TMEM247: variants seen among roughly 807,000 people sequenced by gnomAD.
The protein encoded by TMEM247 is transmembrane protein 247.
A neutral mutation model predicts 20.7 loss-of-function variants in TMEM247; 23 were observed. The observed-to-expected ratio is 1.11, with a 90% confidence interval of 0.80 to 1.57. The LOEUF is 1.57. Ranked by LOEUF, TMEM247 falls within the 40% of genes most tolerant of loss-of-function variation. The pLI, the probability that TMEM247 is intolerant of heterozygous loss-of-function variation, is 0.00. For synonymous variants in TMEM247, 106 were observed against 111.9 expected, an observed-to-expected ratio of 0.95 and a Z score of 0.33; for missense variants, 354 against 283.8, an observed-to-expected ratio of 1.25 and a Z score of -1.78.
At chr2:46,484,191 T>G (rs1572686181) in intron 2 of TMEM247, 53 bp from the exon 3 acceptor site, 1 of 1,488,362 alleles carries the variant, frequency 6.7e-7, no homozygotes, top group Non-Finnish European at 9.0e-7. Flanking sequence ...AACCTAGATC[T>G]GCCTGGCGCC....
chr2:46,480,866 C>G (rs1440515361), intron 2 of TMEM247, 102 bp downstream of exon 2: 2 of 1,390,388 alleles, frequency 1.4e-6, no homozygotes, highest in African/African-American at 2.9e-5. Flanking sequence ...CGCGGCACCC[C>G]ACCCTGCAGA....
At chr2:46,480,802 C>A (rs1237819769) in intron 2 of TMEM247, 38 bp downstream of exon 2, 1 of 1,470,204 alleles carries the variant, frequency 6.8e-7, no homozygotes, top group Non-Finnish European at 9.0e-7. Context: ...AGGAGGGAGG[C>A]CTGGAGCTGA....
intron 1 of TMEM247, among the ~76,000 whole-genome samples, chr2:46,479,916 T>C (rs1434498151): frequency 6.6e-6 from 1 of 152,182 alleles, no homozygotes; most frequent in African/African-American, 2.4e-5. Flanking sequence ...CTCCTCTATC[T>C]ACCTCCCCAC....
At chr2:46,480,494 A>G (rs1686858547) in exon 2 of TMEM247, 3 of 1,551,662 alleles carry the variant, frequency 1.9e-6, no homozygotes. Context: ...GGCCGCTTAA[A>G]TCGCTGTCCC....
intron 2 of TMEM247, among the ~76,000 whole-genome samples, chr2:46,482,642 T>C (rs1023556272): frequency 1.3e-5 from 2 of 152,206 alleles, no homozygotes; most frequent in Non-Finnish European, 2.9e-5. Context: ...TAATGATCAC[T>C]CATCAGCATT....
intron 2 of TMEM247, 45 bp downstream of exon 2, chr2:46,480,809 C>T (rs1041612352): frequency 2.6e-6 from 4 of 1,510,220 alleles, no homozygotes; most frequent in Non-Finnish European, 3.5e-6. Flanking sequence ...AGGCCTGGAG[C>T]TGAAGTCCCA....
intron 2 of TMEM247, 123 bp downstream of exon 2, chr2:46,480,887 C>T (rs1053923884): frequency 9.8e-6 from 13 of 1,320,094 alleles, no homozygotes; most frequent in Admixed American, 8.4e-5. Context: ...TCCTGGATCT[C>T]GGCTGAAAGG....
intron 2 of TMEM247, 60 bp downstream of exon 2, chr2:46,480,824 G>T (rs1265942353): frequency 6.7e-7 from 1 of 1,481,614 alleles, no homozygotes; most frequent in East Asian, 2.5e-5. Flanking sequence ...GTCCCATGGG[G>T]CCTGGAGCAG....
At chr2:46,480,619 T>C in exon 2 of TMEM247, 2 of 1,430,860 alleles carry the variant, frequency 1.4e-6, no homozygotes, top group Non-Finnish European at 1.9e-6. Context: ...AAGGTGCGCA[T>C]GGAGTTCGAG....
In TMEM247 at chr2:46,484,238, C is replaced by G; in HGVS notation, c.478-6C>G. Reference sequence around the variant, plus strand: ...CATCATCTCCACTGTCTTCTCTCCCCCACAGTTTTCAGGAGGCCTCCAGAA... The same window carrying G: ...CATCATCTCCACTGTCTTCTCTCCCGCACAGTTTTCAGGAGGCCTCCAGAA... On this transcript the variant is annotated splice_polypyrimidine_tract_variant and splice_region_variant and intron_variant, in intron 2 of 2. Transcript: ENST00000434431. The G allele has an allele frequency of 6.5e-7, 1 of 1,547,920 alleles. No homozygotes were observed. The highest frequency in any genetic ancestry group is 8.7e-7 in the Non-Finnish European group (1 of 1,144,958).
chr2:46,480,740 G>A (rs758072503), exon 2 of TMEM247: 7 of 1,550,136 alleles, frequency 4.5e-6, no homozygotes, highest in Non-Finnish European at 6.1e-6. Context: ...TGGAGCAGCT[G>A]CAGCAAGAGG....
intron 1 of TMEM247, among the ~76,000 whole-genome samples, chr2:46,480,003 G>A (rs1686847037): frequency 1.3e-5 from 2 of 152,066 alleles, no homozygotes; most frequent in East Asian, 3.9e-4. Flanking sequence ...AAATATTTAG[G>A]TTCTCTCAAT....
At chr2:46,480,250 C>T (rs551423873) in intron 1 of TMEM247, among the ~76,000 whole-genome samples, 155 bp from the exon 2 acceptor site, 31 of 152,280 alleles carry the variant, frequency 2.0e-4, no homozygotes, top group Non-Finnish European at 2.8e-4. Flanking sequence ...TGACAACTCC[C>T]GGTAAGAGCA....
At chr2:46,480,636 C>A in exon 2 of TMEM247, 1 of 1,551,756 alleles carries the variant, frequency 6.4e-7, no homozygotes, top group African/African-American at 1.4e-5. Flanking sequence ...CGAGCTCACG[C>A]GGCTCAAGTA....
In TMEM247 at chr2:46,480,755, GC is replaced by G. The variant is rs780081579; in HGVS notation, c.472del (p.Arg158AlafsTer56). The G allele has an allele frequency of 7.8e-6, 12 of 1,545,816 alleles. No individual in the cohort carries two copies. The African/African-American group carries it at 1.6e-4, about 21-fold the overall frequency. ...TGGAGCAGCTGCAGCAAGAGGCGGCGCCCCGCCTGGTGGGTGACAAGGAACG... is the reference window on the plus strand; with the variant it reads ...TGGAGCAGCTGCAGCAAGAGGCGGCGCCCGCCTGGTGGGTGACAAGGAACG... On this transcript the variant is annotated frameshift_variant, in exon 2 of 3. Coordinates refer to ENST00000434431, the Ensembl canonical transcript of TMEM247. LOFTEE classifies it high-confidence loss of function.
At chr2:46,480,326 T>TGCGGGAGTTCCATGGGGTCA (rs1686854566) in intron 1 of TMEM247, 79 bp from the exon 2 acceptor site, 5 of 1,418,280 alleles carry the variant, frequency 3.5e-6, no homozygotes, top group Non-Finnish European at 4.6e-6. Context: ...GGCCTGGGGC[T>TGCGGGAGTTCCATGGGGTCA]GCGGGAGTTC....
chr2:46,480,438 GACTACTTGGAAGAGA>G (rs1194370535), exon 2 of TMEM247: 2 of 1,551,102 alleles, frequency 1.3e-6, no homozygotes, highest in South Asian at 2.4e-5. Flanking sequence ...CTCCTCCTAT[GACTACTTGGAAGAGA>G]TGGAAGCTTG....
exon 2 of TMEM247, chr2:46,480,556 C>A (rs1686861153): frequency 6.4e-7 from 1 of 1,551,780 alleles, no homozygotes; most frequent in Non-Finnish European, 8.7e-7. Flanking sequence ...CCCAAACCCG[C>A]AGAGCTGCCC....
exon 2 of TMEM247, chr2:46,480,470 C>G (rs778385438): frequency 1.3e-6 from 2 of 1,551,594 alleles, no homozygotes; most frequent in East Asian, 2.4e-5. Flanking sequence ...CTTGTGAGGA[C>G]GGAGGCTGCC....
Sources: allele counts gnomAD v4.1 joint callset (sites outside exome capture counted in the v4.1 genomes callset), GRCh38; gene constraint gnomAD v4.1.1; transcripts MANE v1.5; gene names NCBI Gene and HGNC (gene_info 2026-07-23, HGNC 2026-07-21).